ANKRD30B: variants seen among roughly 807,000 people sequenced by gnomAD.
ANKRD30B encodes ankyrin repeat domain-containing protein 30B.
In ANKRD30B, 144 loss-of-function variants were observed where a neutral mutation model predicts 202.2. The ratio of observed to expected loss-of-function variants is 0.71; its 90% CI spans 0.62 to 0.82. The LOEUF is 0.82. ANKRD30B is among the 40% of genes least tolerant of loss of function. ANKRD30B has a pLI of 0.00. For missense variants in ANKRD30B, 1,487 were observed against 1,669.1 expected, an observed-to-expected ratio of 0.89 and a Z score of 1.90; for synonymous variants, 508 against 561.3, an observed-to-expected ratio of 0.91 and a Z score of 1.34.
intron 16 of ANKRD30B, among the ~76,000 whole-genome samples, chr18:14,794,745 A>G (rs957352509): frequency 1.3e-5 from 2 of 152,202 alleles, no homozygotes; most frequent in Non-Finnish European, 2.9e-5. Flanking sequence ...AATCGCTTGG[A>G]CATAAATTGT....
chr18:14,829,978 G>A (rs2143073275), intron 33 of ANKRD30B, among the ~76,000 whole-genome samples: 1 of 152,276 alleles, frequency 6.6e-6, no homozygotes, highest in East Asian at 1.9e-4. Flanking sequence ...AAAGCAGGGG[G>A]AAGATTGGCT....
chr18:14,887,588 G>T, the ANKRD30B span, among the ~76,000 whole-genome samples: 1 of 151,734 alleles, frequency 6.6e-6, no homozygotes, highest in African/African-American at 2.4e-5. Flanking sequence ...ATTTTTGTCT[G>T]CCTTCCAGGA....
the ANKRD30B span, among the ~76,000 whole-genome samples, chr18:14,899,274 GT>G: frequency 6.6e-6 from 1 of 151,788 alleles, no homozygotes; most frequent in Non-Finnish European, 1.5e-5. Context: ...AATTAATTAT[GT>G]TTTTAAAAAC....
chr18:14,762,014 T>C (rs1477171860), intron 6 of ANKRD30B, among the ~76,000 whole-genome samples: 1 of 152,230 alleles, frequency 6.6e-6, no homozygotes, highest in Non-Finnish European at 1.5e-5. Flanking sequence ...TTCTATTTTA[T>C]ATGTACTATA....
At chr18:14,873,292 G>A in the ANKRD30B span, among the ~76,000 whole-genome samples, 9 of 152,192 alleles carry the variant, frequency 5.9e-5, no homozygotes, top group East Asian at 1.2e-3. Flanking sequence ...TGGGGAGGCC[G>A]AGGTGGGTGG....
chr18:14,850,558 A>G (rs1360774352), intron 41 of ANKRD30B, among the ~76,000 whole-genome samples, 176 bp downstream of exon 41: 1 of 151,816 alleles, frequency 6.6e-6, no homozygotes, highest in East Asian at 1.9e-4. Context: ...TGGCATGCAA[A>G]TAGTATCTTA....
At chr18:14,768,970 T>C (rs1916683344) in intron 7 of ANKRD30B, among the ~76,000 whole-genome samples, 3 of 152,230 alleles carry the variant, frequency 2.0e-5, no homozygotes, top group Admixed American at 2.0e-4. Flanking sequence ...AAAAGTGTTC[T>C]TAATGCATTA....
At chr18:14,767,277 G>A (rs1364608088) in intron 7 of ANKRD30B, among the ~76,000 whole-genome samples, 1 of 152,090 alleles carries the variant, frequency 6.6e-6, no homozygotes, top group Non-Finnish European at 1.5e-5. Flanking sequence ...TCCATGGGGG[G>A]TATTTTCTAA....
the ANKRD30B span, among the ~76,000 whole-genome samples, chr18:14,931,793 A>G: frequency 4.0e-5 from 6 of 149,952 alleles, no homozygotes; most frequent in South Asian, 2.2e-4. Flanking sequence ...CCAGCTCCTC[A>G]GTTTTCTTAC....
chr18:14,905,018 C>T, the ANKRD30B span, among the ~76,000 whole-genome samples: 1 of 152,166 alleles, frequency 6.6e-6, no homozygotes, highest in African/African-American at 2.4e-5. Context: ...GGTCAAGACC[C>T]CCGAAAACCA....
the ANKRD30B span, among the ~76,000 whole-genome samples, chr18:14,931,889 C>G: frequency 3.5e-5 from 2 of 56,734 alleles, no homozygotes; most frequent in African/African-American, 1.4e-4. Flanking sequence ...CAGAGGAGGC[C>G]CTCTGTCCCA....
chr18:14,855,808 T>C (rs1204651975), downstream of ANKRD30B, among the ~76,000 whole-genome samples: 3 of 141,484 alleles, frequency 2.1e-5, no homozygotes, highest in Non-Finnish European at 3.1e-5. Context: ...GTGCTCCTCA[T>C]TTCCCAGACG....
chr18:14,917,078 C>T, the ANKRD30B span, among the ~76,000 whole-genome samples: 4 of 152,206 alleles, frequency 2.6e-5, no homozygotes, highest in Non-Finnish European at 4.4e-5. Flanking sequence ...AAGCCAGCCA[C>T]CTCTCTGCCA....
At chr18:14,809,160 G>A (rs1969753314) in intron 26 of ANKRD30B, among the ~76,000 whole-genome samples, 1 of 150,176 alleles carries the variant, frequency 6.7e-6, no homozygotes, top group African/African-American at 2.5e-5. Context: ...GGGTTAATGA[G>A]GGATTTAGGG....
the ANKRD30B span, among the ~76,000 whole-genome samples, chr18:14,881,327 C>A: frequency 1.3e-5 from 2 of 152,118 alleles, no homozygotes; most frequent in Non-Finnish European, 2.9e-5. Context: ...GCTTTTTCTG[C>A]ATCTGTTGAT....
Position 14,791,449 on chromosome 18 carries a change from A to G in ANKRD30B, c.1783A>G (p.Thr595Ala), listed in dbSNP as rs1259127110. The change falls in exon 16 of 44, where the codon ACA becomes GCA. Residue 595 changes from threonine (T) to alanine (A), a missense_variant. This residue lies in a region of ANKRD30B where 889 missense variants were observed against 841.4 expected (regional missense o/e 1.06). Coordinates refer to ENST00000690538, the MANE Select transcript of ANKRD30B (RefSeq NM_001367607.2). ...SQKDVYLPKA[T>A]HQKEFDTLSG... ...GAAGGATGTGTATTTACCCAAAGCT[A>G]CACATCAAAAAGAATTCGATACCTT... is the stretch of plus-strand genomic sequence containing the variant. 7.4e-6 allele frequency: 12 copies of G among 1,611,446 alleles called. No homozygotes were observed. The highest frequency in any genetic ancestry group is 3.4e-5 in the Admixed American group (2 of 59,522).
chr18:14,780,457 A>G (rs1188235602), intron 11 of ANKRD30B, among the ~76,000 whole-genome samples: 1 of 151,850 alleles, frequency 6.6e-6, no homozygotes, highest in Admixed American at 6.6e-5. Context: ...AAAAAAAAAT[A>G]CTTAAAAAAA....
intron 16 of ANKRD30B, among the ~76,000 whole-genome samples, chr18:14,796,014 A>G (rs1463070478): frequency 6.6e-6 from 1 of 152,108 alleles, no homozygotes; most frequent in Non-Finnish European, 1.5e-5. Flanking sequence ...AGCAAGTTTG[A>G]TGAAGGTTAT....
chr18:14,929,945 C>G, the ANKRD30B span, among the ~76,000 whole-genome samples: 1 of 152,062 alleles, frequency 6.6e-6, no homozygotes, highest in African/African-American at 2.4e-5. Flanking sequence ...AGATGGAGTC[C>G]CAGCAAAAGC....
Sources: allele counts gnomAD v4.1 joint callset (sites outside exome capture counted in the v4.1 genomes callset), GRCh38; gene constraint gnomAD v4.1.1; regional missense constraint gnomAD v4.1.1; transcripts MANE v1.5; gene names NCBI Gene and HGNC (gene_info 2026-07-23, HGNC 2026-07-21).